Variants in HECW2 observed in about 807,000 individuals in gnomAD.
HECW2 encodes E3 ubiquitin-protein ligase HECW2.
HECW2 carries 61 observed loss-of-function variants against 175.2 expected under a neutral mutation model. That is an observed-to-expected ratio of 0.35 (90% CI 0.28 to 0.43). The LOEUF (loss-of-function observed/expected upper bound fraction) is 0.43. Among genes scored for constraint, HECW2 ranks in the 20% least tolerant of loss-of-function variants. The pLI is 1.00. For missense variants in HECW2, 1,524 were observed against 2,000.5 expected (o/e 0.76, Z 4.54); for synonymous variants, 671 against 731.0 (o/e 0.92, Z 1.32).
intron 26 of HECW2, 105 bp downstream of exon 26, chr2:196,219,934 T>A: frequency 4.2e-6 from 3 of 714,114 alleles, no homozygotes; most frequent in Non-Finnish European, 7.4e-6. Flanking sequence ...GACCTATGAT[T>A]AGAGTCCAAG....
At chr2:196,270,335 C>T (rs1689680839) in intron 17 of HECW2, among the ~76,000 whole-genome samples, 1 of 152,116 alleles carries the variant, frequency 6.6e-6, no homozygotes, top group Admixed American at 6.5e-5. Context: ...GAGAGAAAAG[C>T]TTGCCAGGGA....
chr2:196,266,182 A>C (rs961448243), intron 17 of HECW2, among the ~76,000 whole-genome samples: 1 of 149,788 alleles, frequency 6.7e-6, no homozygotes, highest in South Asian at 2.1e-4. Context: ...AAAAAAAAAA[A>C]AAAAACACAA....
intron 17 of HECW2, among the ~76,000 whole-genome samples, chr2:196,270,132 T>C (rs1281685088): frequency 1.3e-5 from 2 of 152,212 alleles, no homozygotes; most frequent in East Asian, 1.9e-4. Flanking sequence ...AGGTGACAAC[T>C]GGACTTGGGG....
At chr2:196,512,945 G>A (rs1259066556) in intron 1 of HECW2, among the ~76,000 whole-genome samples, 1 of 152,080 alleles carries the variant, frequency 6.6e-6, no homozygotes, top group Non-Finnish European at 1.5e-5. Context: ...GCCCACCTCA[G>A]CCTCCCAAAG....
intron 2 of HECW2, among the ~76,000 whole-genome samples, chr2:196,382,848 T>C (rs1214952378): frequency 2.0e-5 from 3 of 152,116 alleles, no homozygotes; most frequent in Middle Eastern, 3.2e-3. Flanking sequence ...CTAGTAAAAA[T>C]GATATTGCAA....
chr2:196,224,135 T>C (rs1056584364), intron 23 of HECW2, among the ~76,000 whole-genome samples: 17 of 152,140 alleles, frequency 1.1e-4, no homozygotes, highest in African/African-American at 4.1e-4. Flanking sequence ...ATGTACCGTG[T>C]GTATTTGTCA....
chr2:196,290,267 T>C (rs994442692), intron 14 of HECW2: 1 of 152,228 alleles, frequency 6.6e-6, no homozygotes, highest in Non-Finnish European at 1.5e-5. Context: ...GTTGAGATAA[T>C]GTTTACTCCT....
chr2:196,414,653 C>T (rs1434187016), intron 2 of HECW2, among the ~76,000 whole-genome samples: 1 of 152,170 alleles, frequency 6.6e-6, no homozygotes, highest in African/African-American at 2.4e-5. Context: ...CTCTTTCTGC[C>T]AGGGTCTTCC....
At chr2:196,249,877 C>T (rs1323038814) in intron 19 of HECW2, among the ~76,000 whole-genome samples, 5 of 152,172 alleles carry the variant, frequency 3.3e-5, no homozygotes, top group African/African-American at 1.2e-4. Context: ...ACACTGCTAG[C>T]AATTTAGATA....
At chr2:196,354,704 TCTTG>T (rs1693300210) in intron 2 of HECW2, among the ~76,000 whole-genome samples, 1 of 152,216 alleles carries the variant, frequency 6.6e-6, no homozygotes, top group Admixed American at 6.5e-5. Flanking sequence ...CATTGCAAAT[TCTTG>T]GTAAGCATTA....
intron 3 of HECW2, among the ~76,000 whole-genome samples, chr2:196,341,898 A>G (rs1320746979): frequency 2.0e-5 from 3 of 152,246 alleles, no homozygotes; most frequent in Admixed American, 6.5e-5. Flanking sequence ...ATAACTGTGT[A>G]TTAGAGAAGT....
intron 21 of HECW2, among the ~76,000 whole-genome samples, chr2:196,231,561 G>T (rs1244900331): frequency 1.3e-5 from 2 of 152,234 alleles, no homozygotes. Context: ...TGCTACAAGG[G>T]CAGAGTTGAG....
At chr2:196,317,467 T>C (rs1407157420) in intron 9 of HECW2, 98 bp from the exon 10 acceptor site, 2 of 871,502 alleles carry the variant, frequency 2.3e-6, no homozygotes, top group Non-Finnish European at 3.7e-6. Flanking sequence ...AAGGCTAGTT[T>C]CTTTTCTCTG....
At chr2:196,575,080 C>CAA (rs1164886570) in intron 1 of HECW2, among the ~76,000 whole-genome samples, 552 of 29,364 alleles carry the variant, frequency 0.019, 9 homozygotes, top group Middle Eastern at 0.05. Flanking sequence ...GGCCTTGTCT[C>CAA]AAAAAAAAAA....
intron 8 of HECW2, 36 bp downstream of exon 8, chr2:196,320,303 T>C (rs374441591): frequency 5.6e-6 from 7 of 1,244,570 alleles, no homozygotes; most frequent in South Asian, 2.5e-5. Context: ...GTTTTTCCTA[T>C]AGCAATGTAT....
At chr2:196,405,307 G>A (rs1415088258) in intron 2 of HECW2, among the ~76,000 whole-genome samples, 1 of 152,072 alleles carries the variant, frequency 6.6e-6, no homozygotes, top group Admixed American at 6.6e-5. Flanking sequence ...TTTAGACTCA[G>A]GACCACAAAT....
intron 1 of HECW2, among the ~76,000 whole-genome samples, chr2:196,499,248 C>T (rs1482150807): frequency 6.0e-5 from 9 of 151,024 alleles, no homozygotes; most frequent in Middle Eastern, 3.4e-3. Context: ...ACAATAGAAA[C>T]CAGAAATGGA....
chr2:196,554,920 G>A (rs1389708843), intron 1 of HECW2, among the ~76,000 whole-genome samples: 1 of 152,096 alleles, frequency 6.6e-6, no homozygotes, highest in African/African-American at 2.4e-5. Context: ...AAAAATCCCT[G>A]CACGGGACAA....
intron 20 of HECW2, among the ~76,000 whole-genome samples, chr2:196,241,347 T>C (rs1688445909): frequency 6.6e-6 from 1 of 152,210 alleles, no homozygotes; most frequent in Non-Finnish European, 1.5e-5. Context: ...TGAAGGTGGA[T>C]TTTAATCAAG....
Sources: gnomAD v4.1 joint callset for allele counts (sites outside exome capture counted in the v4.1 genomes callset) on GRCh38, gnomAD v4.1.1 for gene constraint, MANE v1.5 for transcripts, NCBI Gene and HGNC (gene_info 2026-07-23, HGNC 2026-07-21) for gene names.